The following HSD11B1 variants were observed in gnomAD, a reference collection of about 807,000 sequenced individuals.
The protein encoded by HSD11B1 is 11-beta-hydroxysteroid dehydrogenase 1.
A neutral mutation model predicts 22.1 loss-of-function variants in HSD11B1; 15 were observed. The ratio of observed to expected loss-of-function variants is 0.68; its 90% CI spans 0.45 to 1.04. The LOEUF (loss-of-function observed/expected upper bound fraction) is 1.04, where lower values mean the gene tolerates loss of function less well. Among genes scored for constraint, HSD11B1 ranks in the 50% least tolerant of loss-of-function variants. HSD11B1 has a pLI of 0.00. For synonymous variants in HSD11B1, 122 were observed against 125.2 expected, an observed-to-expected ratio of 0.97 and a Z score of 0.17; for missense variants, 281 against 357.6, an observed-to-expected ratio of 0.79 and a Z score of 1.73.
At chr1:209,707,180 G>A (rs1319119929) in intron 4 of HSD11B1, 52 bp downstream of exon 4, 4 of 1,413,586 alleles carry the variant, frequency 2.8e-6, no homozygotes, top group Non-Finnish European at 4.0e-6. Flanking sequence ...AAAAATGCCA[G>A]GGATGATGCC....
chr1:209,706,611 C>A lies in HSD11B1; in HGVS notation c.220-98C>A. ...CTTACCATTTCTTACCTAAACAGGG[C>A]TGTGAGCAATCTCTCATTTAAGCCC... is the stretch of plus-strand genomic sequence containing the variant. On this transcript the variant is annotated intron_variant, in intron 2 of 5. Coordinates refer to ENST00000367027, the MANE Select transcript of HSD11B1 (RefSeq NM_005525.4). This position sits in a 1 kb window ranked among gnomAD's most constrained non-coding sequence, Gnocchi z 4.0. 3.7e-6 allele frequency: 3 copies of A among 812,994 alleles called. No individual in the cohort carries two copies. The South Asian group carries it at 4.0e-5, about 11-fold the overall frequency. The allele number at this position is 812,994 out of a possible 1,614,324, so 50.4% of individuals were successfully genotyped here.
chr1:209,699,493 C>G (rs977727694), intron 1 of HSD11B1, among the ~76,000 whole-genome samples: 1 of 151,992 alleles, frequency 6.6e-6, no homozygotes, highest in African/African-American at 2.4e-5. Flanking sequence ...AAGACTGGCC[C>G]CCATGATTCA....
At chr1:209,709,738 T>C (rs962651750) in intron 4 of HSD11B1, among the ~76,000 whole-genome samples, 2 of 152,200 alleles carry the variant, frequency 1.3e-5, no homozygotes, top group African/African-American at 4.8e-5. Context: ...CTGGAAGGTG[T>C]ACACTTTTCT....
intron 4 of HSD11B1, among the ~76,000 whole-genome samples, chr1:209,731,238 A>T (rs953548001): frequency 6.6e-6 from 1 of 152,366 alleles, no homozygotes; most frequent in Middle Eastern, 3.4e-3. Context: ...TTAAGATTCA[A>T]ATAATTGAAC....
At position 209,695,350 on chromosome 1, in the gene HSD11B1, C is replaced by T. The variant is rs140358680; in HGVS notation, c.-49+9065C>T. Among the ~76,000 whole-genome samples, 1,252 of 152,142 alleles carry T rather than the reference C, an allele frequency of 8.2e-3. 17 individuals carry two copies. Among genetic ancestry groups the T allele is most frequent in the African/African-American group, 0.029 (1,189 of 41,486 alleles). ...TCTAGAGATACTTAGGAGGTAGAAT[C>T]GACTGTACTTGGTGATTAATGGAAT... On this transcript the variant is annotated intron_variant, in intron 1 of 6. Transcript: ENST00000261465.
At chr1:209,723,811 C>A (rs2076983182) in intron 4 of HSD11B1, among the ~76,000 whole-genome samples, 1 of 152,192 alleles carries the variant, frequency 6.6e-6, no homozygotes. Flanking sequence ...TTGGCTGGCA[C>A]CCAGCTAATA....
upstream of HSD11B1, among the ~76,000 whole-genome samples, chr1:209,702,555 A>G (rs1034381882): frequency 3.9e-5 from 6 of 152,134 alleles, no homozygotes; most frequent in Non-Finnish European, 5.9e-5. Context: ...GGTCAAAACT[A>G]TTTTCATAAT....
At chr1:209,732,407 T>C (rs1368847223) in intron 4 of HSD11B1, 29 bp from the exon 5 acceptor site, 3 of 1,613,806 alleles carry the variant, frequency 1.9e-6, no homozygotes, top group Non-Finnish European at 2.5e-6. Context: ...GGCAGCCTTA[T>C]TAACCCATTT....
chr1:209,734,369 C>G lies in HSD11B1; in HGVS notation c.727C>G (p.Leu243Val). Residue 243 changes from leucine (L) to valine (V), a missense_variant, in exon 6 of 6, where the codon CTG becomes GTG. Physicochemically the swap from Leu to Val is conservative, Grantham distance 32. Coordinates refer to ENST00000367027, the MANE Select transcript of HSD11B1 (RefSeq NM_005525.4). ...MQAAPKEECA[L>V]EIIKGGALRQ... ...AGCAGCTCCAAAGGAGGAATGTGCC[C>G]TGGAGATCATCAAAGGGGGAGCTCT... 6.2e-7 allele frequency: 1 copy of G among 1,614,078 alleles called. No individual in the cohort carries two copies. Among genetic ancestry groups the G allele is most frequent in the Non-Finnish European group, 8.5e-7 (1 of 1,179,982 alleles).
upstream of HSD11B1, among the ~76,000 whole-genome samples, chr1:209,701,383 G>GAA (rs1649369711): frequency 6.6e-6 from 1 of 152,150 alleles, no homozygotes; most frequent in African/African-American, 2.4e-5. Flanking sequence ...ACTATCAAGA[G>GAA]AATAGCACAG....
At chr1:209,703,972 T>C (rs1293031480), upstream of HSD11B1, among the ~76,000 whole-genome samples, 1 of 152,196 alleles carries the variant, frequency 6.6e-6, no homozygotes, top group Non-Finnish European at 1.5e-5. Context: ...AATTCTAAAT[T>C]GCTAAGGGTT....
chr1:209,712,194 A>ATCCTGTG (rs2076902288), intron 4 of HSD11B1, among the ~76,000 whole-genome samples: 1 of 152,264 alleles, frequency 6.6e-6, no homozygotes, highest in East Asian at 1.9e-4. Flanking sequence ...CCCAAATTAG[A>ATCCTGTG]CTCAGTATAG....
intron 4 of HSD11B1, among the ~76,000 whole-genome samples, chr1:209,721,469 CAA>C (rs3059693): frequency 5.0e-4 from 51 of 101,722 alleles, no homozygotes; most frequent in Non-Finnish European, 6.2e-4. Flanking sequence ...ATTTCAAAAG[CAA>C]AAAAAAAAAA....
chr1:209,699,063 G>A (rs953182632), intron 1 of HSD11B1, among the ~76,000 whole-genome samples: 1 of 152,214 alleles, frequency 6.6e-6, no homozygotes, highest in Admixed American at 6.5e-5. Flanking sequence ...ATTGACAAAT[G>A]AGAACTTCTC....
chr1:209,689,899 A>G (rs1218577976), intron 1 of HSD11B1, among the ~76,000 whole-genome samples: 1 of 152,236 alleles, frequency 6.6e-6, no homozygotes, highest in African/African-American at 2.4e-5. Context: ...TGGAGACCTC[A>G]AGAGAGGAAA....
chr1:209,704,167 GC>G (rs1376996105), upstream of HSD11B1, among the ~76,000 whole-genome samples: 3 of 152,108 alleles, frequency 2.0e-5, no homozygotes, highest in African/African-American at 7.2e-5. Flanking sequence ...ATAGTTTAGT[GC>G]CTTTTTTGTC....
In HSD11B1 at chr1:209,698,797, C is replaced by A. The variant is rs78362720; in HGVS notation, c.-48-6098C>A. ...AAAAGAACTCTTTGCATCTCCATCTCCACTGGGGGCAGGGATCAGACCATG... is the reference window on the plus strand; with the variant it reads ...AAAAGAACTCTTTGCATCTCCATCTACACTGGGGGCAGGGATCAGACCATG... On this transcript the variant is annotated intron_variant, in intron 1 of 6. Coordinates refer to the HSD11B1 transcript ENST00000261465. Among the ~76,000 whole-genome samples the A allele has an allele frequency of 5.2e-3, 788 of 152,304 alleles. 10 individuals are homozygous for A. Among genetic ancestry groups the A allele is most frequent in the African/African-American group, 0.018 (753 of 41,556 alleles).
intron 1 of HSD11B1, among the ~76,000 whole-genome samples, chr1:209,699,005 G>A (rs846909): frequency 0.046 from 6,943 of 152,136 alleles, 448 homozygotes; most frequent in African/African-American, 0.14. Flanking sequence ...CCACGATTCC[G>A]TTAGCTAAAA....
chr1:209,719,019 C>CAAAA lies in HSD11B1; in HGVS notation c.517+11905_517+11908dup, dbSNP rs56342028. On this transcript the variant is annotated intron_variant, in intron 4 of 5. Transcript: ENST00000367027. ...TGGGTGACACAGTGAGACTCCATCT[C>CAAAA]AAAAAAAAAAAAAAAAAGGAAAGAA... Among the ~76,000 whole-genome samples the CAAAA allele has an allele frequency of 9.0e-4, 32 of 35,704 alleles. 2 individuals carry two copies. The highest frequency in any genetic ancestry group is 3.5e-3 in the South Asian group (2 of 572). The allele number at this position is 35,704 out of a possible 152,430, so 23.4% of individuals were successfully genotyped here.
Sources: allele counts gnomAD v4.1 joint callset (sites outside exome capture counted in the v4.1 genomes callset), GRCh38; gene constraint gnomAD v4.1.1; non-coding constraint Gnocchi (gnomAD v3.1); transcripts MANE v1.5; gene names NCBI Gene and HGNC (gene_info 2026-07-23, HGNC 2026-07-21).